The following ACACA variants were observed in gnomAD, a reference collection of about 807,000 sequenced individuals.
ACACA encodes the protein acetyl-CoA carboxylase alpha, also known as acetyl-CoA carboxylase 1.
Under a neutral mutation model 296.1 loss-of-function variants are expected in ACACA, and 103 were observed. The observed-to-expected ratio is 0.35, with a 90% CI of 0.30 to 0.41. The LOEUF (loss-of-function observed/expected upper bound fraction) is 0.41, where lower values mean the gene tolerates loss of function less well. ACACA is among the 10% of genes least tolerant of loss of function. The pLI is 1.00. For synonymous variants in ACACA, 953 were observed against 1,038.6 expected, an observed-to-expected ratio of 0.92 and a Z score of 1.58; for missense variants, 1,554 against 2,989.7, an observed-to-expected ratio of 0.52 and a Z score of 11.20.
intron 3 of ACACA, among the ~76,000 whole-genome samples, chr17:37,302,760 TACTTA>T (rs921764746): frequency 1.2e-4 from 18 of 152,352 alleles, no homozygotes; most frequent in African/African-American, 3.6e-4. Flanking sequence ...TATAGAAATA[TACTTA>T]ACTTTTCTAT....
At position 37,389,777 on chromosome 17, in the gene ACACA, A is replaced by AT. The variant is rs529306795; in HGVS notation, c.38+16484dup. ...GTCCCTAAGAGGACTGTGAAAAAAT[A>AT]TTTTTTTTAATGTGCTGGGAACAGG... On this transcript the variant is annotated intron_variant, in intron 1 of 55. Coordinates refer to ENST00000616317, the MANE Select transcript of ACACA (RefSeq NM_198834.3). Among the ~76,000 whole-genome samples the AT allele has an allele frequency of 5.2e-4, 79 of 151,816 alleles. No individual in the cohort carries two copies. The Middle Eastern group carries it at 0.01, about 20-fold the overall frequency.
chr17:37,382,903 G>C (rs1366422005), intron 1 of ACACA, among the ~76,000 whole-genome samples: 1 of 152,016 alleles, frequency 6.6e-6, no homozygotes, highest in South Asian at 2.1e-4. Flanking sequence ...CAGGCATGGA[G>C]GCACGCGCTT....
intron 52 of ACACA, among the ~76,000 whole-genome samples, chr17:37,101,060 G>A (rs1597816804): frequency 6.7e-6 from 1 of 148,232 alleles, no homozygotes; most frequent in East Asian, 2.0e-4. Context: ...TGGCGCCACT[G>A]CACTCCAGCC....
At chr17:37,339,131 A>G (rs2048273104) in intron 2 of ACACA, among the ~76,000 whole-genome samples, 2 of 152,240 alleles carry the variant, frequency 1.3e-5, no homozygotes, top group Non-Finnish European at 2.9e-5. Context: ...GTTTAAAAGT[A>G]ACAGTAGATC....
At chr17:37,249,802 G>A (rs1319632329) in intron 16 of ACACA, among the ~76,000 whole-genome samples, 1 of 152,234 alleles carries the variant, frequency 6.6e-6, no homozygotes, top group African/African-American at 2.4e-5. Context: ...TGGTTCGGCT[G>A]TGTTCCCACT....
At chr17:37,204,882 A>G (rs1414562214) in intron 33 of ACACA, among the ~76,000 whole-genome samples, 1 of 152,350 alleles carries the variant, frequency 6.6e-6, no homozygotes, top group South Asian at 2.1e-4. Flanking sequence ...GTGGGAAAAT[A>G]ACATGGTAAG....
chr17:37,121,540 G>T (rs1212849688), intron 49 of ACACA, 50 bp from the exon 50 acceptor site: 2 of 1,609,898 alleles, frequency 1.2e-6, no homozygotes, highest in Non-Finnish European at 1.7e-6. Context: ...GCTCCAGGGG[G>T]AAATCTCTCC....
At chr17:37,161,137 T>C (rs930933773) in intron 42 of ACACA, among the ~76,000 whole-genome samples, 16 of 152,046 alleles carry the variant, frequency 1.1e-4, no homozygotes, top group African/African-American at 3.6e-4. Context: ...AACTAAAAGA[T>C]GCAAAGAATG....
intron 45 of ACACA, among the ~76,000 whole-genome samples, chr17:37,133,865 T>G (rs2075216258): frequency 6.6e-6 from 1 of 152,186 alleles, no homozygotes; most frequent in African/African-American, 2.4e-5. Context: ...GGAGAAGCAG[T>G]ACCATGCAAT....
chr17:37,200,441 G>A lies in ACACA; in HGVS notation c.4099C>T (p.Leu1367=). The part of the protein sequence containing the change: ...VDHGIRRLTF[L]VAQKDFRKQV... ...CATGTCAGTACCTTTTGTGCAACCA[G>A]GAAAGTAAGGCGCCGGATCCCATGG... The change falls in exon 34 of 56, where the codon CTG becomes TTG. Residue 1367 remains leucine (L), a synonymous_variant. Coordinates refer to ENST00000616317, the MANE Select transcript of ACACA (RefSeq NM_198834.3). 2.5e-6 allele frequency: 4 copies of A among 1,613,086 alleles called. No individual in the cohort carries two copies. The highest frequency in any genetic ancestry group is 3.4e-6 in the Non-Finnish European group (4 of 1,179,062).
At chr17:37,100,851 C>T (rs923722685) in intron 52 of ACACA, among the ~76,000 whole-genome samples, 1 of 152,166 alleles carries the variant, frequency 6.6e-6, no homozygotes, top group Admixed American at 6.5e-5. Context: ...AATCCCAGCA[C>T]TTTGGGAGGC....
At chr17:37,173,985 TATATATATATA>T (rs2076984067) in intron 41 of ACACA, among the ~76,000 whole-genome samples, 4 of 8,356 alleles carry the variant, frequency 4.8e-4, no homozygotes, top group East Asian at 1.6e-3. Flanking sequence ...GGCTAATTTA[TATATATATATA>T]TATATATATA....
chr17:37,196,949 G>C (rs759229734), intron 35 of ACACA, among the ~76,000 whole-genome samples: 18 of 151,754 alleles, frequency 1.2e-4, no homozygotes, highest in Non-Finnish European at 2.1e-4. Flanking sequence ...TTTCCTCAAA[G>C]TTTCTGTTTA....
chr17:37,297,531 G>A (rs980890277), intron 3 of ACACA, among the ~76,000 whole-genome samples: 1 of 116,526 alleles, frequency 8.6e-6, no homozygotes. Context: ...ATATGTGTGT[G>A]TATATATATA....
chr17:37,273,678 G>C (rs1463063561), intron 9 of ACACA, among the ~76,000 whole-genome samples: 4 of 152,204 alleles, frequency 2.6e-5, no homozygotes, highest in Non-Finnish European at 2.9e-5. Context: ...ACCAGTGGGT[G>C]AGTGAGCCTG....
chr17:37,325,914 A>G (rs1352207042), intron 3 of ACACA, among the ~76,000 whole-genome samples: 1 of 151,892 alleles, frequency 6.6e-6, no homozygotes, highest in Non-Finnish European at 1.5e-5. Context: ...AAGCTTAGAA[A>G]GTGATTCATC....
chr17:37,146,903 T>C (rs2075835625), intron 45 of ACACA, among the ~76,000 whole-genome samples: 1 of 144,266 alleles, frequency 6.9e-6, no homozygotes, highest in African/African-American at 2.6e-5. Flanking sequence ...CAGGCGATCA[T>C]GCACAATCCA....
At chr17:37,223,331 G>C (rs1456366263) in intron 28 of ACACA, among the ~76,000 whole-genome samples, 181 bp downstream of exon 28, 1 of 152,230 alleles carries the variant, frequency 6.6e-6, no homozygotes, top group African/African-American at 2.4e-5. Context: ...GATGAGTTCA[G>C]ATGAAACACT....
chr17:37,151,492 C>A lies in ACACA; in HGVS notation c.5448-71G>T. On this transcript the variant is annotated intron_variant, in intron 43 of 55. Coordinates refer to ENST00000616317, the MANE Select transcript of ACACA (RefSeq NM_198834.3). Reference sequence around the variant, plus strand: ...CAACAAGCCATTAAAAGAATAATCACCAATAAAAGGCGGCTAAAAGTGTAT... The same window carrying A: ...CAACAAGCCATTAAAAGAATAATCAACAATAAAAGGCGGCTAAAAGTGTAT... 3 of 1,588,084 alleles carry A rather than the reference C, an allele frequency of 1.9e-6. No homozygotes were observed. The African/African-American group carries it at 4.0e-5, about 21-fold the overall frequency.
Sources: allele counts gnomAD v4.1 joint callset (sites outside exome capture counted in the v4.1 genomes callset), GRCh38; gene constraint gnomAD v4.1.1; transcripts MANE v1.5; gene names NCBI Gene and HGNC (gene_info 2026-07-23, HGNC 2026-07-21).